The following FAM81A variants were observed in gnomAD, a reference collection of about 807,000 sequenced individuals.
The protein encoded by FAM81A is protein FAM81A.
In FAM81A, 19 loss-of-function variants were observed where a neutral mutation model predicts 46.7. That is an observed-to-expected ratio of 0.41 (90% CI 0.28 to 0.60). The LOEUF (loss-of-function observed/expected upper bound fraction) is 0.60. FAM81A is among the 20% of genes least tolerant of loss of function. The pLI is 0.34. For missense variants in FAM81A, 377 were observed against 453.5 expected, an observed-to-expected ratio of 0.83 and a Z score of 1.53; for synonymous variants, 183 against 152.9, an observed-to-expected ratio of 1.20 and a Z score of -1.45.
Position 59,448,729 on chromosome 15 carries a change from A to G in FAM81A, c.-77-9821A>G, listed in dbSNP as rs1467683959. 2.6e-5 allele frequency among the ~76,000 whole-genome samples: 4 copies of G among 152,132 alleles called. No homozygotes were observed. The South Asian group carries it at 8.3e-4, about 32-fold the overall frequency. On this transcript the variant is annotated intron_variant, in intron 1 of 8. Transcript: ENST00000288228. The stretch of plus-strand genomic sequence containing the variant: ...GTTGCCCAAGCTGGAGTGCAGTGTC[A>G]TGCAGTGTTGAACTCCTGGGCTCAA...
At chr15:59,500,746 C>T (rs1443900032) in intron 4 of FAM81A, among the ~76,000 whole-genome samples, 2 of 151,320 alleles carry the variant, frequency 1.3e-5, no homozygotes, top group African/African-American at 4.9e-5. Flanking sequence ...CACCTATTTT[C>T]AAGTTCACTA....
chr15:59,495,194 T>C (rs1399083406), intron 4 of FAM81A, among the ~76,000 whole-genome samples: 4 of 152,202 alleles, frequency 2.6e-5, no homozygotes, highest in African/African-American at 9.6e-5. Flanking sequence ...CTCCCCATTT[T>C]TCCCCAGCCT....
intron 4 of FAM81A, 127 bp from the exon 5 acceptor site, chr15:59,507,086 C>T: frequency 8.1e-7 from 1 of 1,228,238 alleles, no homozygotes; most frequent in East Asian, 2.6e-5. Flanking sequence ...ATTTGAACCT[C>T]TGTTCAAAAG....
chr15:59,412,400 G>GT (rs1481802362), intron 2 of FAM81A, among the ~76,000 whole-genome samples: 1 of 152,148 alleles, frequency 6.6e-6, no homozygotes, highest in Non-Finnish European at 1.5e-5. Context: ...CCGCAAGCTG[G>GT]TTTTTGGATT....
intron 6 of FAM81A, among the ~76,000 whole-genome samples, chr15:59,512,156 A>G (rs2082217376): frequency 6.6e-6 from 1 of 152,172 alleles, no homozygotes; most frequent in Non-Finnish European, 1.5e-5. Flanking sequence ...CTCACACTTT[A>G]GTACGTTCCA....
At chr15:59,506,888 T>C (rs1184467822) in intron 4 of FAM81A, among the ~76,000 whole-genome samples, 1 of 152,232 alleles carries the variant, frequency 6.6e-6, no homozygotes, top group African/African-American at 2.4e-5. Context: ...GGGGTGGTAC[T>C]GAAGAGTGAC....
rs867230680 is a variant in FAM81A at position 59,454,375 on chromosome 15, G to A, written c.-77-4175G>A. Among the ~76,000 whole-genome samples, 13 of 152,126 alleles carry A rather than the reference G, an allele frequency of 8.5e-5. No homozygotes were observed. In the Middle Eastern group the frequency reaches 0.014, roughly 159 times the overall value. ...TACCATTTTACATTAAAATGGTATG[G>A]CAGGTTTTTCTACTCAGTGTCACAT... On this transcript the variant is annotated intron_variant, in intron 1 of 8. Coordinates refer to ENST00000288228, the MANE Select transcript of FAM81A (RefSeq NM_152450.3).
intron 2 of FAM81A, among the ~76,000 whole-genome samples, chr15:59,406,674 C>G (rs576637642): frequency 6.6e-6 from 1 of 152,292 alleles, no homozygotes; most frequent in African/African-American, 2.4e-5. Flanking sequence ...CTACCCCCAG[C>G]TCTAGGCAAC....
chr15:59,505,070 C>G (rs1437106738), intron 4 of FAM81A, among the ~76,000 whole-genome samples: 1 of 152,174 alleles, frequency 6.6e-6, no homozygotes, highest in Non-Finnish European at 1.5e-5. Flanking sequence ...GGAACTCCTC[C>G]TTGACTTATG....
intron 4 of FAM81A, among the ~76,000 whole-genome samples, chr15:59,502,090 C>T (rs1399362454): frequency 1.3e-5 from 2 of 151,564 alleles, no homozygotes; most frequent in Admixed American, 6.6e-5. Context: ...CTGTATTATT[C>T]TTTCATGCAT....
intron 3 of FAM81A, among the ~76,000 whole-genome samples, chr15:59,488,131 A>C (rs1195423531): frequency 3.9e-5 from 6 of 152,234 alleles, no homozygotes; most frequent in African/African-American, 1.4e-4. Flanking sequence ...CAAATCAATC[A>C]GTGTGATACA....
chr15:59,492,146 G>A (rs2081987966), intron 3 of FAM81A, 125 bp from the exon 4 acceptor site: 1 of 678,002 alleles, frequency 1.5e-6, no homozygotes, highest in South Asian at 1.8e-5. Context: ...TTAGGTGACT[G>A]TTGAAAAGGA....
At chr15:59,480,643 A>G (rs1256480542) in intron 3 of FAM81A, among the ~76,000 whole-genome samples, 1 of 152,166 alleles carries the variant, frequency 6.6e-6, no homozygotes, top group African/African-American at 2.4e-5. Context: ...TTGCTGCAAG[A>G]AAAGCAAGAA....
intron 2 of FAM81A, among the ~76,000 whole-genome samples, chr15:59,432,798 A>G (rs2081226116): frequency 6.6e-6 from 1 of 152,144 alleles, no homozygotes; most frequent in Non-Finnish European, 1.5e-5. Context: ...TGCGACATTT[A>G]AGGCAAACTC....
At chr15:59,465,137 AT>A (rs1194944672) in intron 3 of FAM81A, among the ~76,000 whole-genome samples, 8 of 152,166 alleles carry the variant, frequency 5.3e-5, no homozygotes, top group Middle Eastern at 3.4e-3. Flanking sequence ...ACGTGGATTA[AT>A]TTCTAGGTTC....
intron 3 of FAM81A, among the ~76,000 whole-genome samples, chr15:59,487,384 C>G (rs1189844085): frequency 6.7e-6 from 1 of 148,926 alleles, no homozygotes; most frequent in Admixed American, 6.7e-5. Flanking sequence ...CAAACCAAAC[C>G]CAAAGTTAGT....
intron 3 of FAM81A, among the ~76,000 whole-genome samples, chr15:59,490,677 C>G (rs1010850322): frequency 6.6e-6 from 1 of 151,854 alleles, no homozygotes; most frequent in Non-Finnish European, 1.5e-5. Flanking sequence ...ACTAAAAATA[C>G]AAAAAAAATT....
intron 1 of FAM81A, among the ~76,000 whole-genome samples, chr15:59,446,124 C>T (rs940765249): frequency 4.6e-5 from 7 of 152,326 alleles, no homozygotes; most frequent in Admixed American, 2.6e-4. Context: ...GAAGAGGCGT[C>T]GTGTTAGGCT....
intron 1 of FAM81A, among the ~76,000 whole-genome samples, chr15:59,398,197 C>T (rs1005225609): frequency 6.6e-5 from 10 of 152,280 alleles, no homozygotes; most frequent in African/African-American, 2.4e-4. Context: ...GTGAGGACAT[C>T]TTTGGAGCCA....
Sources: allele counts gnomAD v4.1 joint callset (sites outside exome capture counted in the v4.1 genomes callset), GRCh38; gene constraint gnomAD v4.1.1; transcripts MANE v1.5; gene names NCBI Gene and HGNC (gene_info 2026-07-23, HGNC 2026-07-21).